The following RSRC1 variants were observed in gnomAD, a reference collection of about 807,000 sequenced individuals.
RSRC1 encodes serine/Arginine-related protein 53.
In RSRC1, 39 loss-of-function variants were observed where a neutral mutation model predicts 49.1. That is an observed-to-expected ratio of 0.79 (90% confidence interval 0.61 to 1.04). The LOEUF is 1.04. Ranked by LOEUF, RSRC1 falls within the 50% of genes least tolerant of loss-of-function variation. The pLI, the probability that RSRC1 is intolerant of heterozygous loss-of-function variation, is 0.00. For missense variants in RSRC1, 388 were observed against 402.4 expected (o/e 0.96, Z 0.31); for synonymous variants, 143 against 130.8 (o/e 1.09, Z -0.63).
chr3:158,458,035 CA>C (rs1362278466), intron 6 of RSRC1, among the ~76,000 whole-genome samples: 1 of 151,894 alleles, frequency 6.6e-6, no homozygotes, highest in Non-Finnish European at 1.5e-5. Flanking sequence ...GTTTACTTTC[CA>C]AAACAAGCCA....
intron 5 of RSRC1, among the ~76,000 whole-genome samples, chr3:158,345,829 A>G (rs2108223364): frequency 6.7e-6 from 1 of 148,352 alleles, no homozygotes; most frequent in South Asian, 2.1e-4. Context: ...TGCATTATAT[A>G]TAATAATAAA....
chr3:158,340,514 C>G (rs1730171749), intron 5 of RSRC1, among the ~76,000 whole-genome samples: 1 of 152,032 alleles, frequency 6.6e-6, no homozygotes, highest in South Asian at 2.1e-4. Flanking sequence ...GCACTCCAGC[C>G]TGGGCGACAG....
At chr3:158,467,789 CT>C (rs1172154448) in intron 7 of RSRC1, among the ~76,000 whole-genome samples, 1 of 152,164 alleles carries the variant, frequency 6.6e-6, no homozygotes, top group Non-Finnish European at 1.5e-5. Context: ...GTTATTGAAA[CT>C]TCAGAAACTG....
intron 5 of RSRC1, among the ~76,000 whole-genome samples, chr3:158,307,125 G>T (rs1186856738): frequency 1.3e-5 from 2 of 151,288 alleles, no homozygotes; most frequent in Non-Finnish European, 1.5e-5. Context: ...ATCTGGATAG[G>T]TAACAGGTTT....
chr3:158,170,732 A>G (rs982768855), intron 3 of RSRC1, among the ~76,000 whole-genome samples: 1 of 152,176 alleles, frequency 6.6e-6, no homozygotes, highest in African/African-American at 2.4e-5. Flanking sequence ...TAACTAGACT[A>G]TGGGGAAAGG....
chr3:158,274,870 T>C (rs1258308863), intron 4 of RSRC1, among the ~76,000 whole-genome samples: 4 of 152,176 alleles, frequency 2.6e-5, no homozygotes, highest in African/African-American at 9.7e-5. Context: ...TGTATGACTT[T>C]TTCTGTAGCC....
chr3:158,447,768 T>G (rs1364084086), intron 6 of RSRC1, among the ~76,000 whole-genome samples: 1 of 151,902 alleles, frequency 6.6e-6, no homozygotes, highest in East Asian at 1.9e-4. Context: ...ATTCTGTTTT[T>G]AAGAAAAGAA....
chr3:158,217,761 T>TGG (rs1202012455), intron 4 of RSRC1, among the ~76,000 whole-genome samples: 2 of 110,052 alleles, frequency 1.8e-5, no homozygotes, highest in Admixed American at 9.7e-5. Context: ...AGTGTGTGTG[T>TGG]GTGTGGGGGG....
At chr3:158,495,296 T>G (rs1467819086) in intron 7 of RSRC1, among the ~76,000 whole-genome samples, 4 of 152,156 alleles carry the variant, frequency 2.6e-5, no homozygotes. Flanking sequence ...TTTGTTTGTT[T>G]GTTTGTTTTG....
chr3:158,508,461 T>G (rs1739979661), intron 7 of RSRC1, among the ~76,000 whole-genome samples: 1 of 152,048 alleles, frequency 6.6e-6, no homozygotes, highest in South Asian at 2.1e-4. Context: ...AAAGTCTGTG[T>G]CATACATGTC....
intron 3 of RSRC1, among the ~76,000 whole-genome samples, chr3:158,202,261 C>T (rs773266911): frequency 1.5e-4 from 23 of 152,108 alleles, no homozygotes; most frequent in South Asian, 4.2e-4. Flanking sequence ...GTGATCTGCC[C>T]GCCTTGGCCT....
chr3:158,414,457 C>T (rs1263491295), intron 6 of RSRC1, among the ~76,000 whole-genome samples: 1 of 152,008 alleles, frequency 6.6e-6, no homozygotes, highest in Non-Finnish European at 1.5e-5. Flanking sequence ...GGCTTAATAC[C>T]TAGGTGATGG....
intron 7 of RSRC1, among the ~76,000 whole-genome samples, chr3:158,516,961 A>T (rs1394951364): frequency 6.6e-6 from 1 of 152,134 alleles, no homozygotes; most frequent in Admixed American, 6.5e-5. Context: ...TGGCTCGTGC[A>T]CGGTGCACGC....
At chr3:158,426,158 T>C (rs1735425954) in intron 6 of RSRC1, among the ~76,000 whole-genome samples, 1 of 151,718 alleles carries the variant, frequency 6.6e-6, no homozygotes, top group African/African-American at 2.4e-5. Flanking sequence ...AGATTTGTGA[T>C]CTAGGGATAG....
Position 158,376,213 on chromosome 3 carries a change from A to T in RSRC1, c.583+21305A>T, listed in dbSNP as rs1382388612. Among the ~76,000 whole-genome samples, 121 of 117,080 alleles carry T rather than the reference A, an allele frequency of 1.0e-3. 1 individual carries two copies. The highest frequency in any genetic ancestry group is 4.2e-3 in the African/African-American group (120 of 28,844). The allele number at this position is 117,080 out of a possible 152,430, so 76.8% of individuals were successfully genotyped here. On this transcript the variant is annotated intron_variant, in intron 6 of 9. Transcript: ENST00000611884. Reference sequence around the variant, plus strand: ...TCGTTTTTTTTTTTTTTTTTTAAAGACAGAGTCTCACTCTGTCACCCAGGC... The same window carrying T: ...TCGTTTTTTTTTTTTTTTTTTAAAGTCAGAGTCTCACTCTGTCACCCAGGC...
At chr3:158,359,526 C>T (rs1290486962) in intron 6 of RSRC1, among the ~76,000 whole-genome samples, 1 of 152,112 alleles carries the variant, frequency 6.6e-6, no homozygotes. Flanking sequence ...AGCATGGGCA[C>T]CAGCTCTCTG....
intron 4 of RSRC1, among the ~76,000 whole-genome samples, chr3:158,267,860 A>ATTTTTTTTTT (rs368565806): frequency 4.0e-5 from 5 of 125,038 alleles, no homozygotes; most frequent in East Asian, 2.4e-4. Context: ...TTCCATATCT[A>ATTTTTTTTTT]TTTTTTTTTT....
intron 1 of RSRC1, among the ~76,000 whole-genome samples, chr3:158,120,881 AAT>A (rs1351411062): frequency 6.8e-6 from 1 of 147,222 alleles, no homozygotes; most frequent in Non-Finnish European, 1.5e-5. Flanking sequence ...AAAGATAACT[AAT>A]AACTATTTTA....
intron 7 of RSRC1, among the ~76,000 whole-genome samples, chr3:158,487,457 C>T (rs1315805102): frequency 1.3e-5 from 2 of 152,106 alleles, no homozygotes; most frequent in East Asian, 3.9e-4. Context: ...AATCACTGTT[C>T]GCCGGATAGC....
Sources: allele counts gnomAD v4.1 joint callset (sites outside exome capture counted in the v4.1 genomes callset), GRCh38; gene constraint gnomAD v4.1.1; transcripts MANE v1.5; gene names NCBI Gene and HGNC (gene_info 2026-07-23, HGNC 2026-07-21).